Variants in RABGAP1L observed in about 807,000 individuals in gnomAD.
RABGAP1L encodes the protein RAB GTPase activating protein 1 like, also known as rab GTPase-activating protein 1-like.
Under a neutral mutation model 137.7 loss-of-function variants are expected in RABGAP1L, and 63 were observed. That is an observed-to-expected ratio of 0.46 (90% CI 0.37 to 0.56). The LOEUF is 0.56. RABGAP1L is among the 20% of genes least tolerant of loss of function. The pLI is 0.00. For synonymous variants in RABGAP1L, 431 were observed against 433.7 expected (o/e 0.99, Z 0.08); for missense variants, 1,095 against 1,244.0 (o/e 0.88, Z 1.80).
At chr1:174,755,038 G>T (rs946961411) in intron 18 of RABGAP1L, among the ~76,000 whole-genome samples, 4 of 152,152 alleles carry the variant, frequency 2.6e-5, no homozygotes, top group Admixed American at 6.5e-5. Context: ...TCTTCCCCCA[G>T]CCCCTAGTTG....
At chr1:174,506,051 A>T (rs560587902) in intron 13 of RABGAP1L, among the ~76,000 whole-genome samples, 1 of 152,362 alleles carries the variant, frequency 6.6e-6, no homozygotes, top group South Asian at 2.1e-4. Flanking sequence ...ACAGAAAGTC[A>T]AATACCACAT....
intron 17 of RABGAP1L, among the ~76,000 whole-genome samples, chr1:174,720,290 T>C (rs445452): frequency 0.045 from 6,339 of 141,608 alleles, 197 homozygotes; most frequent in African/African-American, 0.072. Flanking sequence ...GATAGATAGA[T>C]AGACAGACAG....
chr1:174,504,056 G>A (rs1661592951), intron 13 of RABGAP1L, among the ~76,000 whole-genome samples: 1 of 149,890 alleles, frequency 6.7e-6, no homozygotes, highest in Admixed American at 6.7e-5. Context: ...CACCACAAAC[G>A]CCGCCTTCAG....
intron 19 of RABGAP1L, among the ~76,000 whole-genome samples, chr1:174,829,808 T>G (rs1043602331): frequency 6.7e-6 from 1 of 148,698 alleles, no homozygotes; most frequent in Non-Finnish European, 1.5e-5. Flanking sequence ...CATTTTATAT[T>G]TTGATGTACA....
intron 13 of RABGAP1L, among the ~76,000 whole-genome samples, chr1:174,550,433 C>G (rs1238428904): frequency 6.6e-6 from 1 of 152,154 alleles, no homozygotes; most frequent in Non-Finnish European, 1.5e-5. Context: ...CAACAACAGC[C>G]TTACTCCAGT....
chr1:174,920,177 A>T (rs1661562592), intron 19 of RABGAP1L, among the ~76,000 whole-genome samples: 1 of 152,248 alleles, frequency 6.6e-6, no homozygotes, highest in African/African-American at 2.4e-5. Flanking sequence ...CCATTTTCAC[A>T]TGCTAATAAA....
Position 174,427,294 on chromosome 1 carries a change from A to G in RABGAP1L, c.1710+33149A>G, listed in dbSNP as rs534397190. 1.6e-4 allele frequency among the ~76,000 whole-genome samples: 25 copies of G among 152,102 alleles called. No homozygotes were observed. In the East Asian group the frequency reaches 1.7e-3, roughly 11 times the overall value. On this transcript the variant is annotated intron_variant, in intron 13 of 25. Transcript: ENST00000681986. ...TTGCTGATCCCAACTTCGATCTTCTAATTCAGTTTTTAATCAAATTTTCTT... is the reference window on the plus strand; with the variant it reads ...TTGCTGATCCCAACTTCGATCTTCTGATTCAGTTTTTAATCAAATTTTCTT...
At chr1:174,810,704 A>G (rs988275144) in intron 18 of RABGAP1L, among the ~76,000 whole-genome samples, 1 of 152,168 alleles carries the variant, frequency 6.6e-6, no homozygotes, top group Non-Finnish European at 1.5e-5. Flanking sequence ...TATAATATGT[A>G]TCACAGTGTT....
At chr1:174,899,941 G>T (rs1657870821) in intron 19 of RABGAP1L, among the ~76,000 whole-genome samples, 2 of 151,736 alleles carry the variant, frequency 1.3e-5, no homozygotes, top group Admixed American at 6.6e-5. Flanking sequence ...TGTTTGGGGG[G>T]GTAGAATAAT....
rs536754340 is a variant in RABGAP1L, at chr1:174,561,893, A to T, written c.1711-75482A>T. Among the ~76,000 whole-genome samples, 58 of 152,368 alleles carry T rather than the reference A, an allele frequency of 3.8e-4. No homozygotes were observed. In the Middle Eastern group the frequency reaches 0.014, roughly 36 times the overall value. ...AGACTTAAACATAAGACCTAAAACCATAAAAATCCTAGAAGAAAACCTAGG... is the reference window on the plus strand; with the variant it reads ...AGACTTAAACATAAGACCTAAAACCTTAAAAATCCTAGAAGAAAACCTAGG... On this transcript the variant is annotated intron_variant, in intron 13 of 25. Transcript: ENST00000681986.
chr1:174,368,800 T>C (rs930656061), intron 11 of RABGAP1L, among the ~76,000 whole-genome samples: 5 of 152,148 alleles, frequency 3.3e-5, no homozygotes, highest in African/African-American at 9.7e-5. Context: ...TTTTTAATGG[T>C]AACTTGATTT....
At chr1:174,620,280 A>C (rs1672321674) in intron 13 of RABGAP1L, among the ~76,000 whole-genome samples, 1 of 152,238 alleles carries the variant, frequency 6.6e-6, no homozygotes, top group Admixed American at 6.5e-5. Context: ...TGCACCAAGC[A>C]GACCTAACAG....
At chr1:174,698,157 A>C (rs1446145526) in intron 15 of RABGAP1L, among the ~76,000 whole-genome samples, 1 of 152,218 alleles carries the variant, frequency 6.6e-6, no homozygotes, top group African/African-American at 2.4e-5. Context: ...CAAGGAAGTA[A>C]TATTTAAAGT....
intron 13 of RABGAP1L, among the ~76,000 whole-genome samples, chr1:174,621,677 C>T (rs969012225): frequency 6.6e-6 from 1 of 152,096 alleles, no homozygotes; most frequent in African/African-American, 2.4e-5. Flanking sequence ...TGGATCCCTT[C>T]CTTACACCTT....
intron 19 of RABGAP1L, among the ~76,000 whole-genome samples, chr1:174,823,815 C>A (rs1691291287): frequency 6.6e-6 from 1 of 152,126 alleles, no homozygotes. Context: ...CGCATGTTCT[C>A]CATAAATATG....
intron 13 of RABGAP1L, among the ~76,000 whole-genome samples, chr1:174,568,256 TGCTAA>T (rs759932080): frequency 7.2e-5 from 11 of 152,256 alleles, no homozygotes; most frequent in South Asian, 6.2e-4. Flanking sequence ...AAAGGGATGG[TGCTAA>T]GCCATTTATG....
intron 12 of RABGAP1L, among the ~76,000 whole-genome samples, chr1:174,386,724 G>C (rs534958466): frequency 1.3e-5 from 2 of 152,006 alleles, no homozygotes; most frequent in Non-Finnish European, 2.9e-5. Context: ...GGCCGGGCTG[G>C]TCTTGAACTC....
rs575741405 is a variant in RABGAP1L, at chr1:174,388,372, A to G, written c.1560-5623A>G. Among the ~76,000 whole-genome samples the G allele has an allele frequency of 7.0e-4, 107 of 152,190 alleles. 1 individual carries two copies. Among genetic ancestry groups the G allele is most frequent in the African/African-American group, 2.4e-3 (101 of 41,572 alleles). On this transcript the variant is annotated intron_variant, in intron 12 of 25. Coordinates refer to ENST00000681986, the MANE Select transcript of RABGAP1L (RefSeq NM_001366446.1). Reference sequence around the variant, plus strand: ...TCATTAGAAAAAATAAAAATAATATAGAAAACTAAGAACAGACTGTATAAA... The same window carrying G: ...TCATTAGAAAAAATAAAAATAATATGGAAAACTAAGAACAGACTGTATAAA...
At chr1:174,632,429 A>T (rs1050917268) in intron 13 of RABGAP1L, among the ~76,000 whole-genome samples, 5 of 148,446 alleles carry the variant, frequency 3.4e-5, no homozygotes, top group African/African-American at 1.3e-4. Context: ...CCTGAATCTG[A>T]ATGTTGGCCT....
Sources: allele counts gnomAD v4.1 joint callset (sites outside exome capture counted in the v4.1 genomes callset), GRCh38; gene constraint gnomAD v4.1.1; transcripts MANE v1.5; gene names NCBI Gene and HGNC (gene_info 2026-07-23, HGNC 2026-07-21).